The following NUDT2 variants were observed in gnomAD, a reference collection of about 807,000 sequenced individuals.
NUDT2 encodes nudix hydrolase 2.
Under a neutral mutation model 14.2 loss-of-function variants are expected in NUDT2, and 12 were observed. The ratio of observed to expected loss-of-function variants is 0.84; its 90% CI spans 0.54 to 1.37. The LOEUF is 1.37. NUDT2 is among the 40% of genes most tolerant of loss of function. The probability of loss-of-function intolerance (pLI) is 0.00; values close to 1 mark genes in which losing one functional copy is unlikely to be tolerated. For synonymous variants in NUDT2, 67 were observed against 67.4 expected (o/e 0.99, Z 0.03); for missense variants, 167 against 176.7 (o/e 0.95, Z 0.31).
At chr9:34,336,666 C>A (rs1230415934) in intron 2 of NUDT2, among the ~76,000 whole-genome samples, 1 of 152,108 alleles carries the variant, frequency 6.6e-6, no homozygotes, top group Non-Finnish European at 1.5e-5. Context: ...GTTGGCCTCC[C>A]AAGTAGCTGG....
rs760284316 is a variant in NUDT2, at chr9:34,343,187, G to T, written c.191G>T (p.Gly64Val). 14 of 1,613,980 alleles carry T rather than the reference G, an allele frequency of 8.7e-6. No homozygotes were observed. The highest frequency in any genetic ancestry group is 1.2e-5 in the Non-Finnish European group (14 of 1,180,030). The change falls in exon 5 of 5, where the codon GGC becomes GTC. Residue 64 changes from glycine (G) to valine (V), a missense_variant. Transcript: ENST00000379158. The stretch of plus-strand genomic sequence containing the variant: ...CTGAGGGAGACCCAAGAGGAAGCAG[G>T]CATAGAAGCAGGCCAGCTGACCATT... ...TALRETQEEA[G>V]IEAGQLTIIE...
chr9:34,330,211 G>A (rs1431999389), intron 1 of NUDT2, among the ~76,000 whole-genome samples: 1 of 152,140 alleles, frequency 6.6e-6, no homozygotes, highest in Non-Finnish European at 1.5e-5. Context: ...AGACCATCCT[G>A]GCTAACACGG....
chr9:34,338,805 T>G lies in NUDT2; in HGVS notation c.-59T>G. ...TGGAGGAGTTGGGATAGAGGCCACA[T>G]TGACTGAGGGTAGTTGCCAGGGTCC... On this transcript the variant is annotated 5_prime_UTR_variant, in exon 3 of 5. Transcript: ENST00000379158. 2.9e-6 allele frequency: 1 copy of G among 341,014 alleles called. No individual in the cohort carries two copies. Among genetic ancestry groups the G allele is most frequent in the East Asian group, 4.8e-5 (1 of 20,954 alleles). 21.1% of individuals were successfully genotyped at this position (341,014 alleles called of 1,614,324 possible). A position where few individuals can be genotyped will look rare whatever the true frequency, so the allele number is the denominator to read the frequency against.
intron 1 of NUDT2, among the ~76,000 whole-genome samples, chr9:34,331,345 T>C (rs1837930146): frequency 6.6e-6 from 1 of 152,224 alleles, no homozygotes; most frequent in Non-Finnish European, 1.5e-5. Context: ...TCTATATATG[T>C]CATTTATAAA....
chr9:34,339,149 A>T lies in NUDT2; in HGVS notation c.110A>T (p.His37Leu). 6.2e-7 allele frequency: 1 copy of T among 1,613,792 alleles called. No individual in the cohort carries two copies. The highest frequency in any genetic ancestry group is 8.5e-7 in the Non-Finnish European group (1 of 1,179,690). The part of the protein sequence containing the change: ...LLLQASDGIH[H>L]WTPPKGHVEP... ...CTGCAGGCATCAGATGGCATTCATC[A>T]CTGGACTCCTCCCAAAGGTAGAGGC... The change falls in exon 4 of 5, where the codon CAC (histidine) becomes CTC (leucine). Residue 37 changes from histidine to leucine, a missense_variant. Coordinates refer to ENST00000379158, the MANE Select transcript of NUDT2 (RefSeq NM_001161.5).
rs140911838 is a variant in NUDT2 at position 34,335,088 on chromosome 9, GCTC to G, written c.-264-1137_-264-1135del. 9.2e-3 allele frequency among the ~76,000 whole-genome samples: 1,401 copies of G among 152,262 alleles called. 27 individuals are homozygous for G. The highest frequency in any genetic ancestry group is 0.032 in the African/African-American group (1,340 of 41,540). On this transcript the variant is annotated intron_variant, in intron 1 of 4. Transcript: ENST00000379158. ...AGCTCCTACTGAATTTCCTCCTTCAGCTCCTCTGAGTCCTGGGCCATGTGTGCA... is the reference window on the plus strand; with the variant it reads ...AGCTCCTACTGAATTTCCTCCTTCAGCTCTGAGTCCTGGGCCATGTGTGCA...
At chr9:34,331,336 CTATA>C (rs1252046210) in intron 1 of NUDT2, among the ~76,000 whole-genome samples, 2 of 152,182 alleles carry the variant, frequency 1.3e-5, no homozygotes, top group Admixed American at 1.3e-4. Flanking sequence ...GTCAGACCCT[CTATA>C]TATGTCATTT....
Position 34,336,348 on chromosome 9 carries a change from T to G in NUDT2, c.-152+7T>G, listed in dbSNP as rs528698910. The stretch of plus-strand genomic sequence containing the variant: ...TTTTGGCTTCTGGAATGGGGTAAGT[T>G]CTTGACATAAATAGGGAGTCCAGGA... On this transcript the variant is annotated splice_region_variant and intron_variant, in intron 2 of 4. Transcript: ENST00000379158. 1 of 152,246 alleles carries G rather than the reference T, an allele frequency of 6.6e-6. No homozygotes were observed. Among genetic ancestry groups the G allele is most frequent in the East Asian group, 1.9e-4 (1 of 5,172 alleles). 9.4% of individuals were successfully genotyped at this position (152,246 alleles called of 1,614,324 possible). A position where few individuals can be genotyped will look rare whatever the true frequency, so the allele number is the denominator to read the frequency against.
chr9:34,337,946 C>A (rs1469015609), intron 2 of NUDT2, among the ~76,000 whole-genome samples: 1 of 151,630 alleles, frequency 6.6e-6, no homozygotes, highest in Non-Finnish European at 1.5e-5. Flanking sequence ...CGGGTTCAAG[C>A]AATTCTCCTG....
intron 2 of NUDT2, among the ~76,000 whole-genome samples, chr9:34,338,345 A>AAAAAAAAAAAAAAAAAAAAAAAAC (rs1838149878): frequency 7.1e-6 from 1 of 141,164 alleles, no homozygotes; most frequent in Non-Finnish European, 1.5e-5. Flanking sequence ...AAAAAAAAAA[A>AAAAAAAAAAAAAAAAAAAAAAAAC]AAAAAAAAAA....
intron 2 of NUDT2, among the ~76,000 whole-genome samples, chr9:34,336,996 C>CTTTTTTTTT (rs145996244): frequency 9.2e-6 from 1 of 109,210 alleles, no homozygotes; most frequent in Non-Finnish European, 1.8e-5. Flanking sequence ...ATATGTACAT[C>CTTTTTTTTT]TTTTTTTTTT....
chr9:34,338,915 G>T, intron 3 of NUDT2, 68 bp downstream of exon 3: 3 of 897,252 alleles, frequency 3.3e-6, no homozygotes, highest in Non-Finnish European at 5.1e-6. Flanking sequence ...TGGGCTATGA[G>T]ATCACAGTTA....
Position 34,337,770 on chromosome 9 carries a change from G to A in NUDT2, c.-151-943G>A, listed in dbSNP as rs151172909. On this transcript the variant is annotated intron_variant, in intron 2 of 4. Coordinates refer to ENST00000379158, the MANE Select transcript of NUDT2 (RefSeq NM_001161.5). ...TCTCTGCATCAGCTGTGCAACCCCC[G>A]GGCACCAGCAATGTCAGGCAATGGT... Among the ~76,000 whole-genome samples the A allele has an allele frequency of 5.9e-3, 898 of 152,186 alleles. 3 individuals carry two copies. The highest frequency in any genetic ancestry group is 0.01 in the Non-Finnish European group (701 of 68,008).
Position 34,343,177 on chromosome 9 carries a change from G to A in NUDT2, c.181G>A (p.Glu61Lys). The change falls in exon 5 of 5, where the codon GAG (glutamate) becomes AAG (lysine). Residue 61 changes from glutamate (E) to lysine (K), a missense_variant. Transcript: ENST00000379158. ...GGAAACAGCCCTGAGGGAGACCCAA[G>A]AGGAAGCAGGCATAGAAGCAGGCCA... ...DLETALRETQEEAGIEAGQLT... is the reference protein window; with the variant it reads ...DLETALRETQKEAGIEAGQLT... 3.1e-6 allele frequency: 5 copies of A among 1,614,132 alleles called. No homozygotes were observed. The highest frequency in any genetic ancestry group is 3.4e-6 in the Non-Finnish European group (4 of 1,180,032).
chr9:34,335,851 C>T (rs746875763), intron 1 of NUDT2, among the ~76,000 whole-genome samples: 2 of 152,164 alleles, frequency 1.3e-5, no homozygotes, highest in African/African-American at 2.4e-5. Flanking sequence ...TCCTCCCCCA[C>T]CCCACCGCTG....
rs189296712 is a variant in NUDT2, at chr9:34,338,528, C to T, written c.-151-185C>T. Among the ~76,000 whole-genome samples, 33 of 146,150 alleles carry T rather than the reference C, an allele frequency of 2.3e-4. No homozygotes were observed. The East Asian group carries it at 4.4e-3, about 20-fold the overall frequency. On this transcript the variant is annotated intron_variant, in intron 2 of 4. Transcript: ENST00000379158. ...GTCTCAAAAAAAAAAAAAAACTCAA[C>T]GAAATATTTTTTTCTATATGAAGTT...
chr9:34,340,591 T>C (rs1284133726), intron 4 of NUDT2, among the ~76,000 whole-genome samples: 1 of 152,204 alleles, frequency 6.6e-6, no homozygotes, highest in African/African-American at 2.4e-5. Flanking sequence ...AAGATCTGTT[T>C]GTAAGCTGGC....
At chr9:34,340,355 T>A (rs1838201127) in intron 4 of NUDT2, among the ~76,000 whole-genome samples, 1 of 151,854 alleles carries the variant, frequency 6.6e-6, no homozygotes, top group Non-Finnish European at 1.5e-5. Flanking sequence ...CATCTGCAGA[T>A]TGTGGCAGGA....
At chr9:34,339,192 G>C in intron 4 of NUDT2, 26 bp downstream of exon 4, 1 of 1,604,442 alleles carries the variant, frequency 6.2e-7, no homozygotes, top group Non-Finnish European at 8.5e-7. Context: ...GCCAGCTCTT[G>C]GGAAACTGCC....
Sources: allele counts gnomAD v4.1 joint callset (sites outside exome capture counted in the v4.1 genomes callset), GRCh38; gene constraint gnomAD v4.1.1; transcripts MANE v1.5; gene names NCBI Gene and HGNC (gene_info 2026-07-23, HGNC 2026-07-21).